The following DNAH9 variants were observed in gnomAD, a reference collection of about 807,000 sequenced individuals.
The protein encoded by DNAH9 is dynein axonemal heavy chain 9.
Under a neutral mutation model 471.6 loss-of-function variants are expected in DNAH9, and 345 were observed. That is an observed-to-expected ratio of 0.73 (90% CI 0.67 to 0.80). DNAH9 has a LOEUF of 0.80. Among genes scored for constraint, DNAH9 ranks in the 30% least tolerant of loss-of-function variants. DNAH9 has a pLI of 0.00. For missense variants in DNAH9, 5,407 were observed against 5,609.2 expected (o/e 0.96, Z 1.15); for synonymous variants, 2,093 against 2,123.6 (o/e 0.99, Z 0.40).
intron 36 of DNAH9, among the ~76,000 whole-genome samples, chr17:11,765,461 A>G (rs1279610854): frequency 6.6e-6 from 1 of 152,184 alleles, no homozygotes; most frequent in Non-Finnish European, 1.5e-5. Context: ...CTTCTTTTTC[A>G]TTTTCAAGGG....
Position 11,756,560 on chromosome 17 carries a change from G to A in DNAH9, c.6739-8G>A. The A allele has an allele frequency of 6.3e-7, 1 of 1,577,194 alleles. No homozygotes were observed. The highest frequency in any genetic ancestry group is 1.1e-5 in the South Asian group (1 of 90,334). ...CCTCACTGGCATGCCCTTCCCTGTT[G>A]TCTCCAGGTGCTGACATTGGCCAGC... On this transcript the variant is annotated splice_region_variant and splice_polypyrimidine_tract_variant and intron_variant, in intron 33 of 68. Transcript: ENST00000262442.
At chr17:11,928,783 A>G (rs1974409753) in intron 62 of DNAH9, among the ~76,000 whole-genome samples, 1 of 152,228 alleles carries the variant, frequency 6.6e-6, no homozygotes, top group Non-Finnish European at 1.5e-5. Context: ...AAAGCTAGCT[A>G]GAAAGAGTTT....
intron 41 of DNAH9, among the ~76,000 whole-genome samples, chr17:11,785,482 C>T (rs560725108): frequency 3.9e-5 from 6 of 152,054 alleles, no homozygotes; most frequent in South Asian, 2.1e-4. Context: ...CAGACCCTGA[C>T]GACATAAGGC....
chr17:11,687,587 G>C (rs574689572), intron 19 of DNAH9, among the ~76,000 whole-genome samples: 1 of 152,228 alleles, frequency 6.6e-6, no homozygotes, highest in East Asian at 1.9e-4. Context: ...TTGATGGGAG[G>C]AAACGGCCGA....
At chr17:11,906,783 C>T (rs934819764) in intron 61 of DNAH9, among the ~76,000 whole-genome samples, 3 of 151,970 alleles carry the variant, frequency 2.0e-5, no homozygotes, top group Admixed American at 6.6e-5. Flanking sequence ...AACCAAACAC[C>T]GAACGTTCTC....
At chr17:11,789,398 A>G (rs751578981) in intron 41 of DNAH9, among the ~76,000 whole-genome samples, 4 of 152,014 alleles carry the variant, frequency 2.6e-5, no homozygotes, top group Admixed American at 6.5e-5. Flanking sequence ...CAGATTGTCT[A>G]TTTCTTCATG....
At chr17:11,772,372 T>G (rs192416134) in intron 38 of DNAH9, among the ~76,000 whole-genome samples, 1 of 152,196 alleles carries the variant, frequency 6.6e-6, no homozygotes. Context: ...GAAGAGAAGA[T>G]GAGTTTCTCA....
chr17:11,617,977 C>T (rs759481584), intron 5 of DNAH9, among the ~76,000 whole-genome samples: 10 of 152,186 alleles, frequency 6.6e-5, no homozygotes, highest in Admixed American at 4.6e-4. Flanking sequence ...TAGAGTCAGG[C>T]GATGCTGTAC....
chr17:11,839,409 G>C (rs773068537), intron 49 of DNAH9, among the ~76,000 whole-genome samples: 3 of 151,976 alleles, frequency 2.0e-5, no homozygotes, highest in African/African-American at 7.3e-5. Flanking sequence ...CCAGCTACTC[G>C]GGAGGCTGAG....
At chr17:11,619,828 G>A (rs935772360) in intron 6 of DNAH9, 47 bp downstream of exon 6, 39 of 1,151,716 alleles carry the variant, frequency 3.4e-5, no homozygotes, top group Non-Finnish European at 4.7e-5. Context: ...ACAGAAAGAA[G>A]CAGTCCAGGG....
chr17:11,746,249 C>A (rs1356642113), intron 31 of DNAH9, among the ~76,000 whole-genome samples: 3 of 152,086 alleles, frequency 2.0e-5, no homozygotes. Context: ...AGGAAACTTA[C>A]AATCATGGCA....
intron 17 of DNAH9, among the ~76,000 whole-genome samples, chr17:11,674,343 T>C (rs1411326311): frequency 2.0e-5 from 3 of 152,162 alleles, no homozygotes; most frequent in Non-Finnish European, 4.4e-5. Context: ...CAGCCTAGCA[T>C]CCTCCCCACC....
chr17:11,960,077 T>C (rs1567579348), intron 67 of DNAH9, among the ~76,000 whole-genome samples: 2 of 152,230 alleles, frequency 1.3e-5, no homozygotes, highest in South Asian at 4.1e-4. Context: ...CAGGAGCCTC[T>C]GGCTGTCACT....
chr17:11,796,969 C>T (rs934165579), intron 42 of DNAH9, among the ~76,000 whole-genome samples: 2 of 152,296 alleles, frequency 1.3e-5, no homozygotes, highest in Non-Finnish European at 2.9e-5. Context: ...AACATTTCTC[C>T]TATGGGTGAG....
At chr17:11,620,692 C>A (rs139881631) in intron 6 of DNAH9, among the ~76,000 whole-genome samples, 1 of 152,054 alleles carries the variant, frequency 6.6e-6, no homozygotes, top group Non-Finnish European at 1.5e-5. Flanking sequence ...AGCCTTTGAA[C>A]TGGGTTTCAA....
chr17:11,742,701 T>G (rs1377513108), intron 30 of DNAH9, among the ~76,000 whole-genome samples: 1 of 152,178 alleles, frequency 6.6e-6, no homozygotes, highest in Admixed American at 6.5e-5. Flanking sequence ...CATAGTTGCT[T>G]GGCGTTACCT....
intron 48 of DNAH9, among the ~76,000 whole-genome samples, chr17:11,827,886 A>G (rs779263340): frequency 1.3e-5 from 2 of 152,064 alleles, no homozygotes; most frequent in Non-Finnish European, 2.9e-5. Context: ...GGGTTTCATC[A>G]TATTGGTCAG....
intron 38 of DNAH9, among the ~76,000 whole-genome samples, chr17:11,774,632 G>A (rs1234869610): frequency 6.6e-6 from 1 of 152,152 alleles, no homozygotes; most frequent in Non-Finnish European, 1.5e-5. Context: ...CTCCCACCAG[G>A]TAGGACACGT....
At chr17:11,736,454 C>T (rs1288258423) in intron 28 of DNAH9, among the ~76,000 whole-genome samples, 1 of 152,178 alleles carries the variant, frequency 6.6e-6, no homozygotes, top group African/African-American at 2.4e-5. Context: ...CCATACATCC[C>T]TAGTTCACCT....
Sources: gnomAD v4.1 joint callset for allele counts (sites outside exome capture counted in the v4.1 genomes callset) on GRCh38, gnomAD v4.1.1 for gene constraint, MANE v1.5 for transcripts, NCBI Gene and HGNC (gene_info 2026-07-23, HGNC 2026-07-21) for gene names.